Variants in IQSEC3 observed in about 807,000 individuals in gnomAD.
IQSEC3 encodes IQ motif and SEC7 domain-containing protein 3.
A neutral mutation model predicts 105.4 loss-of-function variants in IQSEC3; 50 were observed. The ratio of observed to expected loss-of-function variants is 0.47; its 90% CI spans 0.38 to 0.60. IQSEC3 has a LOEUF of 0.60. IQSEC3 is among the 20% of genes least tolerant of loss of function. The pLI is 0.00. For synonymous variants in IQSEC3, 708 were observed against 746.0 expected (o/e 0.95, Z 0.83); for missense variants, 1,415 against 1,630.0 (o/e 0.87, Z 2.27).
chr12:158,605 C>T (rs868985560), intron 7 of IQSEC3, among the ~76,000 whole-genome samples: 1 of 152,220 alleles, frequency 6.6e-6, no homozygotes, highest in Admixed American at 6.5e-5. Flanking sequence ...TCCTGCCAGT[C>T]CTTGAACTTC....
At chr12:123,140 C>A (rs538470065) in intron 2 of IQSEC3, among the ~76,000 whole-genome samples, 1 of 152,198 alleles carries the variant, frequency 6.6e-6, no homozygotes, top group Non-Finnish European at 1.5e-5. Flanking sequence ...CACGCTGGCT[C>A]ATGCCTGCAA....
At chr12:76,785 C>T (rs1409716894) in intron 1 of IQSEC3, among the ~76,000 whole-genome samples, 6 of 152,374 alleles carry the variant, frequency 3.9e-5, no homozygotes, top group Non-Finnish European at 5.9e-5. Flanking sequence ...AGGTACGGGG[C>T]GGCCAGACAC....
At chr12:72,237 C>G (rs1420563719) in intron 1 of IQSEC3, among the ~76,000 whole-genome samples, 1 of 151,966 alleles carries the variant, frequency 6.6e-6, no homozygotes, top group Non-Finnish European at 1.5e-5. Context: ...GCTGATTCAG[C>G]AAATCTCTGC....
intron 2 of IQSEC3, among the ~76,000 whole-genome samples, chr12:122,043 T>C (rs999379136): frequency 1.3e-5 from 2 of 152,334 alleles, no homozygotes; most frequent in Admixed American, 1.3e-4. Context: ...AGGGGTTTTG[T>C]GGCCACCTTC....
intron 2 of IQSEC3, among the ~76,000 whole-genome samples, chr12:120,238 C>T (rs1437862427): frequency 2.0e-5 from 3 of 152,102 alleles, no homozygotes; most frequent in Non-Finnish European, 2.9e-5. Flanking sequence ...GGGAAGTGAG[C>T]GATTCCTGAA....
intron 3 of IQSEC3, among the ~76,000 whole-genome samples, chr12:126,701 A>T (rs1555083641): frequency 6.6e-6 from 1 of 152,050 alleles, no homozygotes; most frequent in Non-Finnish European, 1.5e-5. Flanking sequence ...TGCCAGTTAA[A>T]CCCTCTGGGC....
At chr12:126,820 G>A (rs985958026) in intron 3 of IQSEC3, among the ~76,000 whole-genome samples, 1 of 152,180 alleles carries the variant, frequency 6.6e-6, no homozygotes, top group Non-Finnish European at 1.5e-5. Context: ...AACCCAATAG[G>A]CAAGGTATCT....
At chr12:90,528 C>G (rs1330551453) in intron 1 of IQSEC3, among the ~76,000 whole-genome samples, 2 of 152,180 alleles carry the variant, frequency 1.3e-5, no homozygotes, top group Non-Finnish European at 2.9e-5. Context: ...GGATTGAAGT[C>G]TATTTTTTTG....
chr12:138,746 C>A lies in IQSEC3; in HGVS notation c.1383C>A (p.Pro461=). Residue 461 remains proline, a synonymous_variant, in exon 4 of 14, where the codon CCC becomes CCA. Transcript: ENST00000538872. The surrounding 1 kb of genome is among the most constrained non-coding windows in gnomAD (Gnocchi z 7.1). The part of the protein sequence containing the change: ...AEGRAPESAG[P]GPGDDAAETP... ...GGCGGGCGCCGGAGAGCGCGGGCCC[C>A]GGGCCCGGGGATGACGCCGCGGAGA... The A allele has an allele frequency of 1.3e-6, 2 of 1,529,980 alleles. No individual in the cohort carries two copies. The highest frequency in any genetic ancestry group is 1.7e-6 in the Non-Finnish European group (2 of 1,143,742). 94.8% of individuals were successfully genotyped at this position (1,529,980 alleles called of 1,614,324 possible). A position where few individuals can be genotyped will look rare whatever the true frequency, so the allele number is the denominator to read the frequency against.
At chr12:115,952 G>A (rs1326292328) in intron 2 of IQSEC3, among the ~76,000 whole-genome samples, 1 of 152,132 alleles carries the variant, frequency 6.6e-6, no homozygotes, top group African/African-American at 2.4e-5. Flanking sequence ...AACTGATACA[G>A]CAAGCTAAAG....
intron 5 of IQSEC3, among the ~76,000 whole-genome samples, chr12:146,374 G>C (rs1053014372): frequency 1.3e-5 from 2 of 152,202 alleles, no homozygotes; most frequent in African/African-American, 4.8e-5. Flanking sequence ...GCAGCACTTT[G>C]GGAGGCCAAG....
chr12:99,740 C>T (rs560772162), intron 2 of IQSEC3, among the ~76,000 whole-genome samples: 1 of 152,330 alleles, frequency 6.6e-6, no homozygotes, highest in South Asian at 2.1e-4. Flanking sequence ...GTTGAGGAGT[C>T]AGGTTTCAGA....
intron 2 of IQSEC3, among the ~76,000 whole-genome samples, chr12:123,886 T>C (rs1346216990): frequency 2.0e-5 from 3 of 152,142 alleles, no homozygotes; most frequent in Non-Finnish European, 4.4e-5. Flanking sequence ...GGAGGCTGCA[T>C]TAGATGACCT....
At chr12:88,051 C>T (rs1377385220) in intron 1 of IQSEC3, among the ~76,000 whole-genome samples, 11 of 152,152 alleles carry the variant, frequency 7.2e-5, no homozygotes, top group South Asian at 2.1e-4. Context: ...TGACTGGACA[C>T]GGCAGAGCTG....
At position 138,790 on chromosome 12, in the gene IQSEC3, C is replaced by A; in HGVS notation, c.1427C>A (p.Ala476Asp). 6.2e-7 allele frequency: 1 copy of A among 1,603,728 alleles called. No homozygotes were observed. ...DAAETPGLPP[A>D]HSGTLMMAFR... The stretch of plus-strand genomic sequence containing the variant: ...GCGGAGACCCCCGGCCTGCCCCCGG[C>A]CCACAGCGGGACCCTCATGATGGCT... Residue 476 changes from alanine to aspartate, a missense_variant, in exon 4 of 14, where the codon GCC (alanine) becomes GAC (aspartate). By Grantham distance (126) the Ala-to-Asp change is moderately radical. Coordinates refer to ENST00000538872, the MANE Select transcript of IQSEC3 (RefSeq NM_001170738.2). The surrounding 1 kb of genome is among the most constrained non-coding windows in gnomAD (Gnocchi z 7.1).
At chr12:140,785 G>C (rs11061626) in intron 4 of IQSEC3, 40 of 253,640 alleles carry the variant, frequency 1.6e-4, no homozygotes, top group Non-Finnish European at 2.5e-4. Context: ...TCCAGGGTTG[G>C]GGCGTCTGCG....
At chr12:131,774 G>A (rs1210295707) in intron 3 of IQSEC3, among the ~76,000 whole-genome samples, 1 of 152,118 alleles carries the variant, frequency 6.6e-6, no homozygotes, top group African/African-American at 2.4e-5. Context: ...TTGAGGGTGG[G>A]GAGGAAGGTG....
At chr12:127,859 T>C (rs1016084772) in intron 3 of IQSEC3, among the ~76,000 whole-genome samples, 1 of 152,212 alleles carries the variant, frequency 6.6e-6, no homozygotes, top group Non-Finnish European at 1.5e-5. Context: ...TTTCTTTTGC[T>C]GTGCAGGAGC....
In IQSEC3 at chr12:175,295, T is replaced by G; in HGVS notation, c.*262T>G. 6 of 429,228 alleles carry G rather than the reference T, an allele frequency of 1.4e-5. No homozygotes were observed. Among genetic ancestry groups the G allele is most frequent in the Non-Finnish European group, 1.2e-5 (3 of 243,194 alleles). The allele number at this position is 429,228 out of a possible 1,614,324, so 26.6% of individuals were successfully genotyped here. A position where few individuals can be genotyped will look rare whatever the true frequency, so the allele number is the denominator to read the frequency against. On this transcript the variant is annotated 3_prime_UTR_variant, in exon 14 of 14. Coordinates refer to ENST00000538872, the MANE Select transcript of IQSEC3 (RefSeq NM_001170738.2). ...CAGCCAGACCCGGCGAGGCCTCCTC[T>G]TCCCCTGGCCACCACTTTCCCCCAT...
Sources: gnomAD v4.1 joint callset for allele counts (sites outside exome capture counted in the v4.1 genomes callset) on GRCh38, gnomAD v4.1.1 for gene constraint, Gnocchi (gnomAD v3.1) non-coding constraint, MANE v1.5 for transcripts, NCBI Gene and HGNC (gene_info 2026-07-23, HGNC 2026-07-21) for gene names.